The following ARL1 variants were observed in gnomAD, a reference collection of about 807,000 sequenced individuals.
ARL1 encodes the protein ARF like GTPase 1.
In ARL1, 17 loss-of-function variants were observed where a neutral mutation model predicts 30.1. The ratio of observed to expected loss-of-function variants is 0.56; its 90% CI spans 0.39 to 0.85. The LOEUF (loss-of-function observed/expected upper bound fraction) is 0.85, where lower values mean the gene tolerates loss of function less well. Ranked by LOEUF, ARL1 falls within the 40% of genes least tolerant of loss-of-function variation. The probability of loss-of-function intolerance (pLI) is 0.00; values close to 1 mark genes in which losing one functional copy is unlikely to be tolerated. For synonymous variants in ARL1, 58 were observed against 71.7 expected (o/e 0.81, Z 0.97); for missense variants, 102 against 212.6 (o/e 0.48, Z 3.24).
chr12:101,405,707 A>G, intron 2 of ARL1, 137 bp downstream of exon 2: 6 of 920,906 alleles, frequency 6.5e-6, no homozygotes, highest in Non-Finnish European at 8.8e-6. Flanking sequence ...CTTGAGGCCA[A>G]GAGTCTAAGA....
chr12:101,397,791 C>T (rs1421216991), intron 4 of ARL1, among the ~76,000 whole-genome samples: 5 of 151,996 alleles, frequency 3.3e-5, no homozygotes, highest in Non-Finnish European at 5.9e-5. Flanking sequence ...CATAAGCCAC[C>T]GCGCCCTGCT....
At chr12:101,398,844 C>T (rs1326999087) in intron 4 of ARL1, among the ~76,000 whole-genome samples, 3 of 152,138 alleles carry the variant, frequency 2.0e-5, no homozygotes, top group African/African-American at 7.2e-5. Context: ...AAGAAAGAAT[C>T]CAACTTTTAC....
At chr12:101,399,696 C>T (rs956531435) in intron 4 of ARL1, among the ~76,000 whole-genome samples, 2 of 151,958 alleles carry the variant, frequency 1.3e-5, no homozygotes, top group Non-Finnish European at 2.9e-5. Context: ...AGAGCAAGGG[C>T]AATTTTATTA....
chr12:101,398,848 C>T (rs187196078), intron 4 of ARL1, among the ~76,000 whole-genome samples: 9 of 152,246 alleles, frequency 5.9e-5, no homozygotes, highest in Admixed American at 6.5e-5. Flanking sequence ...AAGAATCCAA[C>T]TTTTACTTCT....
At chr12:101,403,981 A>G (rs1871372472) in intron 2 of ARL1, among the ~76,000 whole-genome samples, 1 of 152,090 alleles carries the variant, frequency 6.6e-6, no homozygotes, top group Non-Finnish European at 1.5e-5. Flanking sequence ...TAAATAAAAA[A>G]TAACTTCCAG....
At chr12:101,396,679 A>G (rs1871162859) in intron 4 of ARL1, 102 bp from the exon 5 acceptor site, 2 of 814,152 alleles carry the variant, frequency 2.5e-6, no homozygotes, top group Non-Finnish European at 3.6e-6. Context: ...TATAATTAAT[A>G]TATTACACAT....
rs375864214 is a variant in ARL1 at position 101,396,422 on chromosome 12, G to A, written c.492C>T (p.Thr164=). 23 of 1,613,850 alleles carry A rather than the reference G, an allele frequency of 1.4e-5. No homozygotes were observed. Among genetic ancestry groups the A allele is most frequent in the African/African-American group, 4.0e-5 (3 of 74,904 alleles). The change falls in exon 5 of 6, where the codon ACC becomes ACT. Residue 164 remains threonine (T), a synonymous_variant. Coordinates refer to ENST00000261636, the MANE Select transcript of ARL1 (RefSeq NM_001177.6). ...GCCATTCCATTGCCTCATCAAGGCCGGTGCCTTTGGTTGCTGACGTTTTGA... is the reference window on the plus strand; with the variant it reads ...GCCATTCCATTGCCTCATCAAGGCCAGTGCCTTTGGTTGCTGACGTTTTGA... ...QIFKTSATKG[T]GLDEAMEWLV...
chr12:101,402,150 G>A (rs547098780), intron 3 of ARL1, among the ~76,000 whole-genome samples: 1 of 152,188 alleles, frequency 6.6e-6, no homozygotes, highest in Non-Finnish European at 1.5e-5. Flanking sequence ...CTAAGCAGAA[G>A]ACCTGAACTT....
intron 1 of ARL1, 92 bp from the exon 2 acceptor site, chr12:101,406,073 C>T (rs1018735654): frequency 9.9e-7 from 1 of 1,005,454 alleles, no homozygotes. Flanking sequence ...AGCTAAATAC[C>T]AAATTAAATA....
chr12:101,397,496 CTT>C (rs1227558491), intron 4 of ARL1, among the ~76,000 whole-genome samples: 2 of 145,032 alleles, frequency 1.4e-5, no homozygotes, highest in Non-Finnish European at 3.0e-5. Flanking sequence ...GACCCTGTCT[CTT>C]TTTTTTTTTT....
intron 1 of ARL1, among the ~76,000 whole-genome samples, chr12:101,406,376 T>A (rs960590235): frequency 1.2e-4 from 18 of 152,164 alleles, no homozygotes; most frequent in African/African-American, 4.1e-4. Flanking sequence ...GGAAAAGTAC[T>A]GTACAGCAGC....
At chr12:101,407,447 A>C in intron 1 of ARL1, 195 bp downstream of exon 1, 1 of 648,314 alleles carries the variant, frequency 1.5e-6, no homozygotes, top group Non-Finnish European at 2.5e-6. Flanking sequence ...GAACCGAGAG[A>C]GGACGGAGGA....
rs534461861 is a variant in ARL1, at chr12:101,406,102, G to A, written c.5-121C>T. The A allele has an allele frequency of 1.3e-4, 99 of 760,600 alleles. No individual in the cohort carries two copies. The South Asian group carries it at 1.6e-3, about 12-fold the overall frequency. The allele number at this position is 760,600 out of a possible 1,614,324, so 47.1% of individuals were successfully genotyped here. ...TTAAATATTATAATTTCCTGGATGCGTAGGTGCATATTTTTCCTCCCAATG... is the reference window on the plus strand; with the variant it reads ...TTAAATATTATAATTTCCTGGATGCATAGGTGCATATTTTTCCTCCCAATG... On this transcript the variant is annotated intron_variant, in intron 1 of 5. Transcript: ENST00000261636.
chr12:101,403,058 T>A (rs371825502), intron 2 of ARL1, 112 bp from the exon 3 acceptor site: 52 of 395,124 alleles, frequency 1.3e-4, no homozygotes, highest in African/African-American at 7.6e-4. Flanking sequence ...GAGTTTAAAA[T>A]ATATATATAT....
chr12:101,401,104 G>A lies in ARL1; in HGVS notation c.294C>T (p.Asp98=), dbSNP rs1328679789. ...ACTCTGATTTGGAAATGCCAATTCG[G>A]TCTCGGTCACAACTGTCTACTACAT... is the stretch of plus-strand genomic sequence containing the variant. The part of the protein sequence containing the change: ...VIYVVDSCDR[D]RIGISKSELV... The change falls in exon 4 of 6, where the codon GAC becomes GAT. Residue 98 remains aspartate (D), a synonymous_variant. Coordinates refer to ENST00000261636, the MANE Select transcript of ARL1 (RefSeq NM_001177.6). The A allele has an allele frequency of 8.1e-6, 13 of 1,613,688 alleles. No individual in the cohort carries two copies. The Admixed American group carries it at 2.2e-4, about 27-fold the overall frequency.
At chr12:101,399,228 G>A (rs190876679) in intron 4 of ARL1, among the ~76,000 whole-genome samples, 205 of 152,234 alleles carry the variant, frequency 1.3e-3, no homozygotes, top group Non-Finnish European at 2.0e-3. Flanking sequence ...TGAGCGCGGT[G>A]GCTCATGCCT....
At position 101,395,268 on chromosome 12, in the gene ARL1, G is replaced by A. The variant is rs1345651878; in HGVS notation, c.*372C>T. 1 of 171,350 alleles carries A rather than the reference G, an allele frequency of 5.8e-6. No homozygotes were observed. Among genetic ancestry groups the A allele is most frequent in the African/African-American group, 2.4e-5 (1 of 42,252 alleles). The allele number at this position is 171,350 out of a possible 1,614,324, so 10.6% of individuals were successfully genotyped here. ...ATTCATTTTAAGGGGAAAAAAATCT[G>A]TTAAGATATTTTTTAGTATTTATAC... is the stretch of plus-strand genomic sequence containing the variant. On this transcript the variant is annotated 3_prime_UTR_variant, in exon 6 of 6. Transcript: ENST00000261636.
chr12:101,398,670 T>TATA (rs1217070254), intron 4 of ARL1, among the ~76,000 whole-genome samples: 2 of 152,054 alleles, frequency 1.3e-5, no homozygotes, highest in African/African-American at 4.8e-5. Context: ...ACTCCTGACC[T>TATA]GAAGTGATCC....
At chr12:101,403,163 C>T (rs1871348975) in intron 2 of ARL1, 1 of 479,760 alleles carries the variant, frequency 2.1e-6, no homozygotes, top group Non-Finnish European at 3.8e-6. Flanking sequence ...AAATAGTATG[C>T]TCTGCTCCCC....
Sources: gnomAD v4.1 joint callset for allele counts (sites outside exome capture counted in the v4.1 genomes callset) on GRCh38, gnomAD v4.1.1 for gene constraint, MANE v1.5 for transcripts, NCBI Gene and HGNC (gene_info 2026-07-23, HGNC 2026-07-21) for gene names.